The following PSMB2 variants were observed in gnomAD, a reference collection of about 807,000 sequenced individuals.
PSMB2 encodes the protein proteasome 20S subunit beta 2.
PSMB2 carries 13 observed loss-of-function variants against 25.7 expected under a neutral mutation model. That is an observed-to-expected ratio of 0.51 (90% CI 0.33 to 0.80). PSMB2 has a LOEUF of 0.80. PSMB2 is among the 30% of genes least tolerant of loss of function. The pLI is 0.02. For missense variants in PSMB2, 202 were observed against 259.0 expected (o/e 0.78, Z 1.51); for synonymous variants, 87 against 96.2 (o/e 0.90, Z 0.56).
At chr1:35,634,582 T>G (rs1329449212) in intron 2 of PSMB2, among the ~76,000 whole-genome samples, 1 of 152,100 alleles carries the variant, frequency 6.6e-6, no homozygotes, top group Non-Finnish European at 1.5e-5. Flanking sequence ...CTTGCTTTGT[T>G]GCCTAGGCTG....
At position 35,599,704 on chromosome 1, in the gene PSMB2, G is replaced by A. The variant is rs1649933888; in HGVS notation, c.*3563C>T. 2.0e-6 allele frequency: 2 copies of A among 984,986 alleles called. No individual in the cohort carries two copies. Among genetic ancestry groups the A allele is most frequent in the African/African-American group, 3.5e-5 (2 of 57,222 alleles). 61.0% of individuals were successfully genotyped at this position (984,986 alleles called of 1,614,324 possible). Reference sequence around the variant, plus strand: ...GAAAGTTTTAAGGGCAGAGAGGAATGGATGGTGAAACTAGTTTTTTAAAAT... The same window carrying A: ...GAAAGTTTTAAGGGCAGAGAGGAATAGATGGTGAAACTAGTTTTTTAAAAT... On this transcript the variant is annotated 3_prime_UTR_variant, in exon 6 of 6. Transcript: ENST00000373237.
At chr1:35,627,287 A>T (rs1571136837) in intron 3 of PSMB2, among the ~76,000 whole-genome samples, 1 of 150,660 alleles carries the variant, frequency 6.6e-6, no homozygotes, top group East Asian at 1.9e-4. Flanking sequence ...AAAAAAGCAC[A>T]ACAAATGATC....
chr1:35,600,957 C>T lies in PSMB2; in HGVS notation c.*2310G>A, dbSNP rs1298458544. ...TCATATCTACCACATAGAATAGGTG[C>T]TATTTCAGTCATTGTACAGATGGGA... On this transcript the variant is annotated 3_prime_UTR_variant, in exon 6 of 6. Coordinates refer to ENST00000373237, the MANE Select transcript of PSMB2 (RefSeq NM_002794.5). The T allele has an allele frequency of 2.0e-6, 2 of 984,116 alleles. No homozygotes were observed. The highest frequency in any genetic ancestry group is 2.4e-6 in the Non-Finnish European group (2 of 829,592). The allele number at this position is 984,116 out of a possible 1,614,324, so 61.0% of individuals were successfully genotyped here.
chr1:35,625,748 T>A (rs1650840730), intron 3 of PSMB2, among the ~76,000 whole-genome samples: 1 of 148,740 alleles, frequency 6.7e-6, no homozygotes, highest in African/African-American at 2.5e-5. Flanking sequence ...GGTGACACAG[T>A]GAGACTCCGT....
chr1:35,617,341 C>T (rs1025565565), intron 3 of PSMB2, among the ~76,000 whole-genome samples: 1 of 152,166 alleles, frequency 6.6e-6, no homozygotes, highest in African/African-American at 2.4e-5. Flanking sequence ...ACCCATCATG[C>T]CCGGCCTTGT....
chr1:35,622,859 C>T (rs1045231530), intron 3 of PSMB2, among the ~76,000 whole-genome samples: 27 of 151,550 alleles, frequency 1.8e-4, no homozygotes, highest in Admixed American at 1.8e-3. Context: ...CCTGATAAAG[C>T]CAGTAACTTT....
chr1:35,630,277 T>C (rs952647096), intron 3 of PSMB2, among the ~76,000 whole-genome samples: 1 of 152,224 alleles, frequency 6.6e-6, no homozygotes, highest in Admixed American at 6.5e-5. Context: ...ATATGGTTTG[T>C]TACAAAAACA....
intron 3 of PSMB2, among the ~76,000 whole-genome samples, chr1:35,628,103 G>A (rs1054875901): frequency 6.6e-6 from 1 of 152,024 alleles, no homozygotes; most frequent in Non-Finnish European, 1.5e-5. Context: ...AGAATAAGAC[G>A]ACTAAAATAT....
chr1:35,634,390 G>GT (rs1557459203), intron 2 of PSMB2, among the ~76,000 whole-genome samples: 1 of 151,928 alleles, frequency 6.6e-6, no homozygotes, highest in East Asian at 1.9e-4. Flanking sequence ...TTGTTTCTTT[G>GT]TTTTGAGACA....
chr1:35,629,810 C>CAA (rs111544640), intron 3 of PSMB2, among the ~76,000 whole-genome samples: 3 of 125,420 alleles, frequency 2.4e-5, no homozygotes, highest in South Asian at 2.5e-4. Flanking sequence ...GACCCCGTCT[C>CAA]AAAAAAAAAA....
intron 3 of PSMB2, among the ~76,000 whole-genome samples, chr1:35,621,216 C>A (rs965233334): frequency 1.3e-5 from 2 of 152,264 alleles, no homozygotes; most frequent in Non-Finnish European, 2.9e-5. Flanking sequence ...TCTTTGCATT[C>A]ATGACAGCAA....
At chr1:35,638,741 T>C (rs7541318) in intron 1 of PSMB2, among the ~76,000 whole-genome samples, 17,480 of 152,150 alleles carry the variant, frequency 0.11, 2,567 homozygotes, top group East Asian at 0.68. Flanking sequence ...ATGCGGCATA[T>C]AAGCAAACCA....
At chr1:35,618,694 G>A (rs1050803483) in intron 3 of PSMB2, among the ~76,000 whole-genome samples, 4 of 152,108 alleles carry the variant, frequency 2.6e-5, no homozygotes, top group Non-Finnish European at 5.9e-5. Context: ...ACCCAGGGCC[G>A]GTTAGGGTCC....
intron 2 of PSMB2, among the ~76,000 whole-genome samples, chr1:35,635,696 G>A (rs1264556143): frequency 6.6e-6 from 1 of 151,908 alleles, no homozygotes. Context: ...GGACGTGGTG[G>A]TGCGTGCCTG....
chr1:35,635,358 T>C (rs868669082), intron 2 of PSMB2, among the ~76,000 whole-genome samples: 2 of 151,972 alleles, frequency 1.3e-5, no homozygotes, highest in Non-Finnish European at 1.5e-5. Flanking sequence ...CCTCCCACCT[T>C]GTCCTCCCCA....
intron 1 of PSMB2, among the ~76,000 whole-genome samples, chr1:35,639,808 C>T (rs1299165218): frequency 1.3e-5 from 2 of 152,202 alleles, no homozygotes; most frequent in African/African-American, 2.4e-5. Flanking sequence ...AAAACAAATT[C>T]ACTCCTTTGG....
At position 35,601,462 on chromosome 1, in the gene PSMB2, T is replaced by C. The variant is rs1337911171; in HGVS notation, c.*1805A>G. 1.0e-5 allele frequency: 10 copies of C among 985,344 alleles called. No individual in the cohort carries two copies. The highest frequency in any genetic ancestry group is 4.7e-5 in the South Asian group (1 of 21,278). The allele number at this position is 985,344 out of a possible 1,614,324, so 61.0% of individuals were successfully genotyped here. On this transcript the variant is annotated 3_prime_UTR_variant, in exon 6 of 6. Transcript: ENST00000373237. ...TGCATATTCATGGTGGTGTTGGAGG[T>C]TGAATCAACTGTAGTGACGTGAATC... is the stretch of plus-strand genomic sequence containing the variant.
At chr1:35,607,022 C>G (rs922035100) in intron 4 of PSMB2, among the ~76,000 whole-genome samples, 1 of 152,146 alleles carries the variant, frequency 6.6e-6, no homozygotes, top group Non-Finnish European at 1.5e-5. Flanking sequence ...AAACCAGACC[C>G]TCACCTCTTA....
chr1:35,626,273 A>G (rs1306067804), intron 3 of PSMB2, among the ~76,000 whole-genome samples: 2 of 152,124 alleles, frequency 1.3e-5, no homozygotes, highest in Non-Finnish European at 2.9e-5. Context: ...TTTTTTCCCC[A>G]TCTGTCTTTT....
Sources: gnomAD v4.1 joint callset for allele counts (sites outside exome capture counted in the v4.1 genomes callset) on GRCh38, gnomAD v4.1.1 for gene constraint, MANE v1.5 for transcripts, NCBI Gene and HGNC (gene_info 2026-07-23, HGNC 2026-07-21) for gene names.